Variants in PID1 observed in about 807,000 individuals in gnomAD.
PID1 encodes phosphotyrosine interaction domain containing 1.
A neutral mutation model predicts 19.1 loss-of-function variants in PID1; 10 were observed. The observed-to-expected ratio is 0.52, with a 90% CI of 0.32 to 0.89. The LOEUF is 0.89. Among genes scored for constraint, PID1 ranks in the 40% least tolerant of loss-of-function variants. The pLI is 0.03. For synonymous variants in PID1, 130 were observed against 116.0 expected, an observed-to-expected ratio of 1.12 and a Z score of -0.78; for missense variants, 248 against 285.3, an observed-to-expected ratio of 0.87 and a Z score of 0.94.
At chr2:229,042,730 G>C (rs1040476281) in intron 2 of PID1, among the ~76,000 whole-genome samples, 2 of 152,250 alleles carry the variant, frequency 1.3e-5, no homozygotes, top group Admixed American at 6.5e-5. Flanking sequence ...CCCAATGCAT[G>C]ATGTGAAAGT....
At chr2:229,143,164 G>A (rs1393112307) in intron 2 of PID1, among the ~76,000 whole-genome samples, 1 of 147,896 alleles carries the variant, frequency 6.8e-6, no homozygotes, top group Non-Finnish European at 1.5e-5. Flanking sequence ...CATGGACACA[G>A]GAAGGGGAAC....
chr2:229,271,204 A>G lies in PID1; in HGVS notation c.-161T>C, dbSNP rs1690730041. ...CGGGTGGGCGTAGGGGGCTGCGAGC[A>G]GGAGGAGGCGCGGCGCTCAGCTGCC... On this transcript the variant is annotated 5_prime_UTR_variant, in exon 1 of 3. Transcript: ENST00000392055. The G allele has an allele frequency of 3.0e-6, 2 of 663,106 alleles. No homozygotes were observed. Among genetic ancestry groups the G allele is most frequent in the Admixed American group, 3.8e-5 (1 of 26,552 alleles). 41.1% of individuals were successfully genotyped at this position (663,106 alleles called of 1,614,324 possible).
intron 1 of PID1, among the ~76,000 whole-genome samples, chr2:229,261,232 T>C (rs35700150): frequency 0.21 from 32,144 of 152,080 alleles, 4,065 homozygotes; most frequent in Non-Finnish European, 0.29. Context: ...AGACTTCCAG[T>C]CTCCAGAACT....
chr2:229,210,071 T>C (rs1350937608), intron 1 of PID1, among the ~76,000 whole-genome samples: 1 of 152,022 alleles, frequency 6.6e-6, no homozygotes, highest in African/African-American at 2.4e-5. Flanking sequence ...AATTTTTGTT[T>C]ATTAACCTTT....
At chr2:229,247,317 G>C (rs1690029076) in intron 1 of PID1, among the ~76,000 whole-genome samples, 1 of 152,172 alleles carries the variant, frequency 6.6e-6, no homozygotes, top group Non-Finnish European at 1.5e-5. Context: ...ATGTTCTACA[G>C]TTCTTAGCAC....
chr2:229,238,413 G>C (rs923075111), intron 1 of PID1, among the ~76,000 whole-genome samples: 21 of 152,152 alleles, frequency 1.4e-4, no homozygotes, highest in Non-Finnish European at 2.9e-5. Flanking sequence ...AGATAAATTG[G>C]TCAGTGAATT....
At chr2:229,069,383 T>C (rs531850845) in intron 2 of PID1, among the ~76,000 whole-genome samples, 24 of 152,170 alleles carry the variant, frequency 1.6e-4, no homozygotes, top group Non-Finnish European at 1.8e-4. Flanking sequence ...GGTATGCCTG[T>C]TCTGTTGGTG....
chr2:229,143,716 C>T (rs1057009324), intron 2 of PID1, among the ~76,000 whole-genome samples: 2 of 152,020 alleles, frequency 1.3e-5, no homozygotes, highest in Non-Finnish European at 2.9e-5. Flanking sequence ...TCATGGGGGC[C>T]GTTTCCCCCA....
intron 2 of PID1, among the ~76,000 whole-genome samples, chr2:229,057,264 C>A (rs1189824178): frequency 6.6e-6 from 1 of 151,660 alleles, no homozygotes; most frequent in Non-Finnish European, 1.5e-5. Context: ...ATGGTGAAAC[C>A]CCATCTCTAC....
At chr2:229,068,839 A>G (rs2106200008) in intron 2 of PID1, among the ~76,000 whole-genome samples, 1 of 152,268 alleles carries the variant, frequency 6.6e-6, no homozygotes, top group East Asian at 1.9e-4. Flanking sequence ...TTGCCCACAG[A>G]GGGTCCGCTA....
chr2:229,056,618 T>TATATAG (rs1694107446), intron 2 of PID1, among the ~76,000 whole-genome samples: 1 of 150,334 alleles, frequency 6.7e-6, no homozygotes, highest in African/African-American at 2.4e-5. Context: ...AAATAATATA[T>TATATAG]ATATATATAT....
At position 229,262,564 on chromosome 2, in the gene PID1, G is replaced by C. The variant is rs769285494; in HGVS notation, c.30+8450C>G. On this transcript the variant is annotated intron_variant, in intron 1 of 2. Coordinates refer to ENST00000392055, the MANE Select transcript of PID1 (RefSeq NM_001100818.2). Reference sequence around the variant, plus strand: ...TGGGGATACCTACATCACAGAAGTAGAGTGACCAAACATAGTCAAGAGGCT... The same window carrying C: ...TGGGGATACCTACATCACAGAAGTACAGTGACCAAACATAGTCAAGAGGCT... 2.8e-6 allele frequency: 4 copies of C among 1,416,028 alleles called. No homozygotes were observed. In the Admixed American group the frequency reaches 1.1e-4, roughly 39 times the overall value. The allele number at this position is 1,416,028 out of a possible 1,614,324, so 87.7% of individuals were successfully genotyped here. A position where few individuals can be genotyped will look rare whatever the true frequency, so the allele number is the denominator to read the frequency against.
chr2:229,210,900 T>A (rs1432672603), intron 1 of PID1, among the ~76,000 whole-genome samples: 1 of 152,204 alleles, frequency 6.6e-6, no homozygotes, highest in African/African-American at 2.4e-5. Context: ...CTTTTTCCAT[T>A]TATTTTGAGC....
chr2:229,236,893 T>C (rs1689709249), intron 1 of PID1, among the ~76,000 whole-genome samples: 1 of 151,886 alleles, frequency 6.6e-6, no homozygotes. Context: ...ACTCACTTGC[T>C]CATGTGTTGT....
intron 1 of PID1, among the ~76,000 whole-genome samples, chr2:229,206,295 A>T (rs181577081): frequency 5.6e-4 from 81 of 143,892 alleles, no homozygotes; most frequent in African/African-American, 1.9e-3. Context: ...AACTATCAAG[A>T]CTAATGGTTA....
chr2:229,050,542 C>T (rs972264697), intron 2 of PID1, among the ~76,000 whole-genome samples: 1 of 152,214 alleles, frequency 6.6e-6, no homozygotes, highest in Non-Finnish European at 1.5e-5. Context: ...GATTAGTATA[C>T]TCTCAGTTCA....
chr2:229,101,793 G>A lies in PID1; in HGVS notation c.177+54025C>T, dbSNP rs187335568. Among the ~76,000 whole-genome samples, 307 of 152,284 alleles carry A rather than the reference G, an allele frequency of 2.0e-3. 2 individuals are homozygous for A. The highest frequency in any genetic ancestry group is 6.9e-3 in the African/African-American group (285 of 41,550). Reference sequence around the variant, plus strand: ...TTAGTCTCAAACTCGGGCATTTGCAGAGCCTATGGTGGGCAGATTAAGAGC... The same window carrying A: ...TTAGTCTCAAACTCGGGCATTTGCAAAGCCTATGGTGGGCAGATTAAGAGC... On this transcript the variant is annotated intron_variant, in intron 2 of 2. Coordinates refer to ENST00000392055, the MANE Select transcript of PID1 (RefSeq NM_001100818.2).
intron 1 of PID1, among the ~76,000 whole-genome samples, chr2:229,255,835 C>T (rs1690276714): frequency 1.3e-5 from 2 of 152,104 alleles, no homozygotes; most frequent in African/African-American, 4.8e-5. Context: ...TTGGTTTACC[C>T]AGGAGACAAG....
chr2:229,125,435 A>G (rs1207638901), intron 2 of PID1, among the ~76,000 whole-genome samples: 4 of 151,672 alleles, frequency 2.6e-5, no homozygotes, highest in African/African-American at 9.7e-5. Context: ...TTTTATTTTC[A>G]GTCCTGTTCT....
Sources: allele counts gnomAD v4.1 joint callset (sites outside exome capture counted in the v4.1 genomes callset), GRCh38; gene constraint gnomAD v4.1.1; transcripts MANE v1.5; gene names NCBI Gene and HGNC (gene_info 2026-07-23, HGNC 2026-07-21).